Variants in TFAP2E observed in about 807,000 individuals in gnomAD.
TFAP2E encodes the protein transcription factor AP-2-epsilon.
Under a neutral mutation model 37.9 loss-of-function variants are expected in TFAP2E, and 30 were observed. That is an observed-to-expected ratio of 0.79 (90% CI 0.59 to 1.07). The LOEUF (loss-of-function observed/expected upper bound fraction) is 1.07. Among genes scored for constraint, TFAP2E ranks in the 50% least tolerant of loss-of-function variants. The pLI is 0.00. For synonymous variants in TFAP2E, 318 were observed against 295.8 expected (o/e 1.08, Z -0.77); for missense variants, 567 against 637.9 (o/e 0.89, Z 1.20).
chr1:35,576,483 C>A (rs1300550707), intron 3 of TFAP2E, among the ~76,000 whole-genome samples: 1 of 152,192 alleles, frequency 6.6e-6, no homozygotes, highest in Admixed American at 6.5e-5. Flanking sequence ...GCCTGGACTT[C>A]CTGGCCACCA....
chr1:35,573,428 A>C lies in TFAP2E; in HGVS notation c.-150A>C, dbSNP rs1376661830. On this transcript the variant is annotated 5_prime_UTR_variant, in exon 1 of 7. Coordinates refer to ENST00000373235, the MANE Select transcript of TFAP2E (RefSeq NM_178548.4). The surrounding 1 kb of genome is among the most constrained non-coding windows in gnomAD (Gnocchi z 5.9). ...GGGAACGGCCACCGCTGAGGACCCC[A>C]CGCCCACTAGGATCCCGGCTGGGTC... 41 of 1,070,162 alleles carry C rather than the reference A, an allele frequency of 3.8e-5. No individual in the cohort carries two copies. The East Asian group carries it at 7.8e-4, about 20-fold the overall frequency. The allele number at this position is 1,070,162 out of a possible 1,614,324, so 66.3% of individuals were successfully genotyped here.
intron 3 of TFAP2E, among the ~76,000 whole-genome samples, chr1:35,582,744 C>G (rs1011594301): frequency 4.0e-5 from 6 of 151,880 alleles, no homozygotes; most frequent in African/African-American, 1.5e-4. Context: ...ACTGCACCCT[C>G]GAACTCCTGA....
At chr1:35,580,275 A>G (rs1372259852) in intron 3 of TFAP2E, among the ~76,000 whole-genome samples, 2 of 152,186 alleles carry the variant, frequency 1.3e-5, no homozygotes, top group Non-Finnish European at 2.9e-5. Context: ...GGCAGGTCCC[A>G]GCAGGGGAGA....
In TFAP2E at chr1:35,590,494, G is replaced by GAGAC; in HGVS notation, c.905-140_905-139insAGAC. On this transcript the variant is annotated intron_variant, in intron 5 of 6. Coordinates refer to ENST00000373235, the MANE Select transcript of TFAP2E (RefSeq NM_178548.4). This position sits in a 1 kb window ranked among gnomAD's most constrained non-coding sequence, Gnocchi z 6.2. ...GGGCAATGGAATGGGGGCTGGAGCT[G>GAGAC]GGCTGGGAAGGAACATCAGAGGGGG... is the stretch of plus-strand genomic sequence containing the variant. 1 of 1,064,784 alleles carries GAGAC rather than the reference G, an allele frequency of 9.4e-7. No individual in the cohort carries two copies. Among genetic ancestry groups the GAGAC allele is most frequent in the South Asian group, 2.7e-5 (1 of 36,434 alleles). The allele number at this position is 1,064,784 out of a possible 1,614,324, so 66.0% of individuals were successfully genotyped here. A position where few individuals can be genotyped will look rare whatever the true frequency, so the allele number is the denominator to read the frequency against.
chr1:35,574,355 C>T lies in TFAP2E; in HGVS notation c.456C>T (p.Asp152=), dbSNP rs749195246. The change falls in exon 2 of 7, where the codon GAC becomes GAT. Residue 152 remains aspartate (D), a synonymous_variant. Coordinates refer to ENST00000373235, the MANE Select transcript of TFAP2E (RefSeq NM_178548.4). ...GLADGAHGLA[D]APLGLPGLAA... The stretch of plus-strand genomic sequence containing the variant: ...CCGACGGCGCGCACGGCCTGGCAGA[C>T]GCACCTCTCGGCCTTCCGGGGCTGG... The T allele has an allele frequency of 2.8e-6, 4 of 1,446,886 alleles. No homozygotes were observed. Among genetic ancestry groups the T allele is most frequent in the East Asian group, 5.8e-5 (2 of 34,436 alleles). 89.6% of individuals were successfully genotyped at this position (1,446,886 alleles called of 1,614,324 possible).
Position 35,577,335 on chromosome 1 carries a change from G to T in TFAP2E, c.562+2335G>T, listed in dbSNP as rs1385001532. 8.8e-6 allele frequency: 4 copies of T among 456,410 alleles called. No individual in the cohort carries two copies. Among genetic ancestry groups the T allele is most frequent in the South Asian group, 1.5e-5 (1 of 64,556 alleles). 28.3% of individuals were successfully genotyped at this position (456,410 alleles called of 1,614,324 possible). A position where few individuals can be genotyped will look rare whatever the true frequency, so the allele number is the denominator to read the frequency against. ...AGCAGTTTTCACCTTGGCCCTCCGC[G>T]GTCACTGCGGGATTCGGCGTTGCCG... On this transcript the variant is annotated intron_variant, in intron 3 of 6. Transcript: ENST00000373235. The surrounding 1 kb of genome is among the most constrained non-coding windows in gnomAD (Gnocchi z 6.3).
rs566139197 is a variant in TFAP2E at position 35,573,617 on chromosome 1, G to A, written c.27+13G>A. 1 of 1,539,266 alleles carries A rather than the reference G, an allele frequency of 6.5e-7. No homozygotes were observed. On this transcript the variant is annotated intron_variant, in intron 1 of 6. Transcript: ENST00000373235. The surrounding 1 kb of genome is among the most constrained non-coding windows in gnomAD (Gnocchi z 5.9). ...CTACTCCGCCATGGTGAGTAGTCTC[G>A]GGCCCGGGACATATTCGGCCGGGGG...
At chr1:35,592,608 G>C (rs1649719813) in intron 6 of TFAP2E, among the ~76,000 whole-genome samples, 1 of 152,102 alleles carries the variant, frequency 6.6e-6, no homozygotes. Context: ...GGCCAGGCTG[G>C]TCTCAAACTC....
rs972474312 is a variant in TFAP2E, at chr1:35,577,990, A to G, written c.562+2990A>G. Among the ~76,000 whole-genome samples, 2 of 152,148 alleles carry G rather than the reference A, an allele frequency of 1.3e-5. No individual in the cohort carries two copies. The highest frequency in any genetic ancestry group is 2.9e-5 in the Non-Finnish European group (2 of 68,020). ...AGGACTGGTGGGGAGACGGAGCTTA[A>G]CAGGAATATTTTCCAGCAGTGAGCA... On this transcript the variant is annotated intron_variant, in intron 3 of 6. Coordinates refer to ENST00000373235, the MANE Select transcript of TFAP2E (RefSeq NM_178548.4). The surrounding 1 kb of genome is among the most constrained non-coding windows in gnomAD (Gnocchi z 6.3).
rs1023821866 is a variant in TFAP2E at position 35,588,910 on chromosome 1, G to A, written c.785+358G>A. ...CCCCAGGACCCGAGGCCCATTCTGC[G>A]CGGCAGCATAGGCCCTGTGTGTTTT... On this transcript the variant is annotated intron_variant, in intron 4 of 6. Coordinates refer to ENST00000373235, the MANE Select transcript of TFAP2E (RefSeq NM_178548.4). The surrounding 1 kb of genome is among the most constrained non-coding windows in gnomAD (Gnocchi z 5.1). Among the ~76,000 whole-genome samples the A allele has an allele frequency of 2.0e-5, 3 of 152,256 alleles. No individual in the cohort carries two copies. Among genetic ancestry groups the A allele is most frequent in the East Asian group, 1.9e-4 (1 of 5,182 alleles).
intron 2 of TFAP2E, 122 bp from the exon 3 acceptor site, chr1:35,574,827 G>A (rs971640487): frequency 4.4e-6 from 6 of 1,355,128 alleles, no homozygotes; most frequent in East Asian, 2.3e-5. Context: ...GCCCGTCGCC[G>A]CCCCAAGCGA....
intron 3 of TFAP2E, among the ~76,000 whole-genome samples, 172 bp downstream of exon 3, chr1:35,575,172 C>G (rs1215772330): frequency 2.0e-5 from 3 of 152,214 alleles, no homozygotes; most frequent in African/African-American, 7.2e-5. Context: ...GGTGAGTTTG[C>G]CCAGCACCCT....
At chr1:35,576,871 C>T (rs2148545769) in intron 3 of TFAP2E, among the ~76,000 whole-genome samples, 1 of 152,104 alleles carries the variant, frequency 6.6e-6, no homozygotes, top group Non-Finnish European at 1.5e-5. Context: ...GACGCGGCCG[C>T]GCGGACTCAC....
Position 35,590,707 on chromosome 1 carries a change from G to A in TFAP2E, c.978G>A (p.Glu326=), listed in dbSNP as rs778648442. Residue 326 remains glutamate (E), a synonymous_variant, in exon 6 of 7, where the codon GAG becomes GAA. Coordinates refer to ENST00000373235, the MANE Select transcript of TFAP2E (RefSeq NM_178548.4). This position sits in a 1 kb window ranked among gnomAD's most constrained non-coding sequence, Gnocchi z 6.2. ...ETEFPAKAAA[E]YLCRQHADPG... ...AGTTCCCAGCCAAGGCAGCTGCCGAGTACCTGTGCCGACAGCACGCTGACC... is the reference window on the plus strand; with the variant it reads ...AGTTCCCAGCCAAGGCAGCTGCCGAATACCTGTGCCGACAGCACGCTGACC... 1.3e-6 allele frequency: 2 copies of A among 1,557,754 alleles called. No individual in the cohort carries two copies. Among genetic ancestry groups the A allele is most frequent in the Non-Finnish European group, 1.8e-6 (2 of 1,142,792 alleles).
rs1010474906 is a variant in TFAP2E at position 35,574,385 on chromosome 1, G to A, written c.486G>A (p.Ala162=). The A allele has an allele frequency of 1.4e-6, 2 of 1,435,234 alleles. No homozygotes were observed. The highest frequency in any genetic ancestry group is 2.9e-5 in the East Asian group (1 of 34,582). 88.9% of individuals were successfully genotyped at this position (1,435,234 alleles called of 1,614,324 possible). Residue 162 remains alanine (A), a synonymous_variant, in exon 2 of 7, where the codon GCG becomes GCA. Coordinates refer to ENST00000373235, the MANE Select transcript of TFAP2E (RefSeq NM_178548.4). ...CTCTCGGCCTTCCGGGGCTGGCGGC[G>A]GCCCCCGGTCTGGAGGACCTGCAGG... ...DAPLGLPGLA[A]APGLEDLQAM...
intron 3 of TFAP2E, among the ~76,000 whole-genome samples, chr1:35,587,653 A>AAAAAAAAAGGAAAG (rs796133136): frequency 6.8e-6 from 1 of 147,724 alleles, no homozygotes; most frequent in African/African-American, 2.6e-5. Context: ...AAAAAAAAAA[A>AAAAAAAAAGGAAAG]AAAGAAAGAA....
intron 3 of TFAP2E, among the ~76,000 whole-genome samples, chr1:35,578,830 G>A (rs1040054619): frequency 1.3e-5 from 2 of 151,662 alleles, no homozygotes; most frequent in Non-Finnish European, 2.9e-5. Flanking sequence ...AGTGGCTCAC[G>A]TCTGTAATCC....
At position 35,594,608 on chromosome 1, in the gene TFAP2E, C is replaced by T. The variant is rs199741320; in HGVS notation, c.1261C>T (p.Leu421=). The part of the protein sequence containing the change: ...ESLKGLDKMF[L]SSVGSGHGET... ...ACTCAAGGGGCTGGACAAGATGTTT[C>T]TAAGCAGTGTGGGCAGTGGGCATGG... The change falls in exon 7 of 7, where the codon CTA becomes TTA. Residue 421 remains leucine (L), a synonymous_variant. Transcript: ENST00000373235. The T allele has an allele frequency of 9.0e-5, 146 of 1,614,110 alleles. No homozygotes were observed. The highest frequency in any genetic ancestry group is 1.6e-4 in the Middle Eastern group (1 of 6,082).
intron 2 of TFAP2E, 193 bp from the exon 3 acceptor site, chr1:35,574,756 A>C (rs1649119813): frequency 2.7e-6 from 2 of 730,274 alleles, no homozygotes; most frequent in African/African-American, 3.5e-5. Context: ...CCCTTTTTGC[A>C]CTGCACAGTG....
Sources: gnomAD v4.1 joint callset for allele counts (sites outside exome capture counted in the v4.1 genomes callset) on GRCh38, gnomAD v4.1.1 for gene constraint, Gnocchi (gnomAD v3.1) non-coding constraint, MANE v1.5 for transcripts, NCBI Gene and HGNC (gene_info 2026-07-23, HGNC 2026-07-21) for gene names.